Variants in PNPLA1 observed in about 807,000 individuals in gnomAD.
PNPLA1 encodes patatin like domain 1, omega-hydroxyceramide transacylase, also known as omega-hydroxyceramide transacylase.
A neutral mutation model predicts 51.7 loss-of-function variants in PNPLA1; 36 were observed. The observed-to-expected ratio is 0.70, with a 90% CI of 0.53 to 0.92. PNPLA1 has a LOEUF of 0.92. Among genes scored for constraint, PNPLA1 ranks in the 40% least tolerant of loss-of-function variants. PNPLA1 has a pLI of 0.00. For missense variants in PNPLA1, 658 were observed against 682.5 expected, an observed-to-expected ratio of 0.96 and a Z score of 0.40; for synonymous variants, 293 against 280.1, an observed-to-expected ratio of 1.05 and a Z score of -0.46.
rs903191858 is a variant in PNPLA1, at chr6:36,313,922, A to C, written c.*2036A>C. 7.2e-5 allele frequency among the ~76,000 whole-genome samples: 11 copies of C among 152,218 alleles called. No homozygotes were observed. Among genetic ancestry groups the C allele is most frequent in the Admixed American group, 3.3e-4 (5 of 15,288 alleles). On this transcript the variant is annotated 3_prime_UTR_variant, in exon 9 of 9. Transcript: ENST00000636260. ...ATGCTCTTAATGTCAATTATGTTAA[A>C]CTATTAATACATCCTCTTGCATACT... is the stretch of plus-strand genomic sequence containing the variant.
At chr6:36,263,840 A>G (rs1401734477) in intron 1 of PNPLA1, among the ~76,000 whole-genome samples, 1 of 152,120 alleles carries the variant, frequency 6.6e-6, no homozygotes, top group Non-Finnish European at 1.5e-5. Context: ...TTTACACTCC[A>G]AGAGGCAAAA....
At chr6:36,291,777 C>A (rs949393564) in intron 2 of PNPLA1, among the ~76,000 whole-genome samples, 1 of 152,348 alleles carries the variant, frequency 6.6e-6, no homozygotes, top group East Asian at 1.9e-4. Context: ...AATGCTTCGG[C>A]CTTCACATCC....
At chr6:36,286,093 A>G (rs1474244794) in intron 1 of PNPLA1, among the ~76,000 whole-genome samples, 3 of 152,208 alleles carry the variant, frequency 2.0e-5, no homozygotes, top group African/African-American at 7.2e-5. Context: ...GCCATACCCA[A>G]TATTTGGTCA....
chr6:36,253,959 T>G (rs765809251), intron 1 of PNPLA1, among the ~76,000 whole-genome samples: 4 of 152,162 alleles, frequency 2.6e-5, no homozygotes, highest in Non-Finnish European at 4.4e-5. Flanking sequence ...CTTAGATTCC[T>G]TACAGTCAGG....
At chr6:36,263,398 C>T (rs1420170389) in intron 1 of PNPLA1, among the ~76,000 whole-genome samples, 1 of 152,108 alleles carries the variant, frequency 6.6e-6, no homozygotes, top group African/African-American at 2.4e-5. Flanking sequence ...GAAAAGGAAA[C>T]AGGAACAACC....
At chr6:36,296,740 TG>T (rs1212871890) in intron 5 of PNPLA1, among the ~76,000 whole-genome samples, 3 of 152,140 alleles carry the variant, frequency 2.0e-5, no homozygotes, top group African/African-American at 7.2e-5. Flanking sequence ...GGAGAAAACC[TG>T]GGCCCTGGAG....
chr6:36,271,898 A>C (rs532359658), intron 1 of PNPLA1, among the ~76,000 whole-genome samples: 4 of 152,208 alleles, frequency 2.6e-5, no homozygotes, highest in Non-Finnish European at 4.4e-5. Flanking sequence ...TTCATGATGC[A>C]TGCCTGAAGT....
At chr6:36,248,803 G>A (rs1385937749) in intron 1 of PNPLA1, among the ~76,000 whole-genome samples, 1 of 152,164 alleles carries the variant, frequency 6.6e-6, no homozygotes, top group Non-Finnish European at 1.5e-5. Flanking sequence ...ACAGGTGTGA[G>A]CCACTGAACC....
intron 5 of PNPLA1, among the ~76,000 whole-genome samples, chr6:36,297,514 A>AGG (rs1770894379): frequency 6.6e-6 from 1 of 152,066 alleles, no homozygotes; most frequent in Non-Finnish European, 1.5e-5. Context: ...ACACCCCAAA[A>AGG]GGTGTCACCC....
intron 1 of PNPLA1, among the ~76,000 whole-genome samples, chr6:36,248,897 G>C (rs1053101559): frequency 2.4e-4 from 36 of 152,188 alleles, no homozygotes; most frequent in African/African-American, 7.7e-4. Context: ...TGAAAAAGGG[G>C]GGGTGTGGGC....
chr6:36,294,465 C>A lies in PNPLA1; in HGVS notation c.714+66C>A, dbSNP rs1251009905. 3 of 1,426,142 alleles carry A rather than the reference C, an allele frequency of 2.1e-6. No individual in the cohort carries two copies. The highest frequency in any genetic ancestry group is 2.3e-5 in the East Asian group (1 of 43,674). 88.3% of individuals were successfully genotyped at this position (1,426,142 alleles called of 1,614,324 possible). ...AGGGACTAGGGGTGGGGTTAGAGAGCCACTGGGGCCCACTCAAGTTCCATC... is the reference window on the plus strand; with the variant it reads ...AGGGACTAGGGGTGGGGTTAGAGAGACACTGGGGCCCACTCAAGTTCCATC... On this transcript the variant is annotated intron_variant, in intron 4 of 8. Coordinates refer to ENST00000636260, the MANE Select transcript of PNPLA1 (RefSeq NM_001374623.1). This position sits in a 1 kb window ranked among gnomAD's most constrained non-coding sequence, Gnocchi z 4.2.
At chr6:36,280,625 T>A (rs1322113497) in intron 1 of PNPLA1, among the ~76,000 whole-genome samples, 1 of 152,204 alleles carries the variant, frequency 6.6e-6, no homozygotes, top group Non-Finnish European at 1.5e-5. Context: ...GTAGTCCCTG[T>A]CCCTGCCAGT....
rs2127351760 is a variant in PNPLA1, at chr6:36,301,865, T to C, written c.780T>C (p.Ala260=). The C allele has an allele frequency of 6.2e-7, 1 of 1,612,912 alleles. No homozygotes were observed. Among genetic ancestry groups the C allele is most frequent in the East Asian group, 2.2e-5 (1 of 44,844 alleles). ...CCATGCTATTGTTTATCCTAGATGC[T>C]GTTTATCTTAATTCTTCCTCCAAGA... is the stretch of plus-strand genomic sequence containing the variant. ...DAVLYLRRLN[A]VYLNSSSKRV... Residue 260 remains alanine (A), a synonymous_variant, in exon 6 of 9, where the codon GCT becomes GCC. Coordinates refer to ENST00000636260, the MANE Select transcript of PNPLA1 (RefSeq NM_001374623.1).
intron 5 of PNPLA1, among the ~76,000 whole-genome samples, chr6:36,298,415 AT>A (rs1374549597): frequency 1.5e-5 from 2 of 137,240 alleles, no homozygotes; most frequent in Non-Finnish European, 3.3e-5. Flanking sequence ...ATACACAAAT[AT>A]TTTAATTGTG....
chr6:36,255,536 A>T (rs929025139), intron 1 of PNPLA1, among the ~76,000 whole-genome samples: 1 of 151,496 alleles, frequency 6.6e-6, no homozygotes, highest in African/African-American at 2.4e-5. Context: ...ACAAAAACGA[A>T]ATTGGCCAGG....
intron 1 of PNPLA1, among the ~76,000 whole-genome samples, chr6:36,286,115 C>T (rs1193663661): frequency 6.6e-6 from 1 of 152,238 alleles, no homozygotes; most frequent in East Asian, 1.9e-4. Flanking sequence ...TTACTATGTG[C>T]TGGCACTTTA....
chr6:36,272,746 G>A (rs565840570), intron 1 of PNPLA1, among the ~76,000 whole-genome samples: 3 of 152,328 alleles, frequency 2.0e-5, no homozygotes, highest in Non-Finnish European at 4.4e-5. Context: ...AGAGGCTGCA[G>A]ATAATAGCCC....
At chr6:36,282,092 G>GAAAGAAAGAAGGAAA (rs59914317) in intron 1 of PNPLA1, among the ~76,000 whole-genome samples, 1 of 40,718 alleles carries the variant, frequency 2.5e-5, no homozygotes, top group African/African-American at 1.2e-4. Flanking sequence ...AAAGAAAGAA[G>GAAAGAAAGAAGGAAA]GAAGGAAGGA....
chr6:36,294,615 G>A lies in PNPLA1; in HGVS notation c.714+216G>A, dbSNP rs1040765352. On this transcript the variant is annotated intron_variant, in intron 4 of 8. Coordinates refer to ENST00000636260, the MANE Select transcript of PNPLA1 (RefSeq NM_001374623.1). The surrounding 1 kb of genome is among the most constrained non-coding windows in gnomAD (Gnocchi z 4.2). The stretch of plus-strand genomic sequence containing the variant: ...CTCTCCCAGCTTCAACATTCTCCCC[G>A]GTAAAGCGAGATGATGCCAGAAGTG... 1.3e-5 allele frequency among the ~76,000 whole-genome samples: 2 copies of A among 152,176 alleles called. No individual in the cohort carries two copies. Among genetic ancestry groups the A allele is most frequent in the Non-Finnish European group, 2.9e-5 (2 of 68,042 alleles).
Sources: allele counts gnomAD v4.1 joint callset (sites outside exome capture counted in the v4.1 genomes callset), GRCh38; gene constraint gnomAD v4.1.1; non-coding constraint Gnocchi (gnomAD v3.1); transcripts MANE v1.5; gene names NCBI Gene and HGNC (gene_info 2026-07-23, HGNC 2026-07-21).